Variants in NAA40 observed in about 807,000 individuals in gnomAD.
NAA40 encodes the protein N-alpha-acetyltransferase 40.
NAA40 carries 26 observed loss-of-function variants against 36.6 expected under a neutral mutation model. The ratio of observed to expected loss-of-function variants is 0.71; its 90% CI spans 0.52 to 0.98. NAA40 has a LOEUF of 0.98. NAA40 is among the 50% of genes least tolerant of loss of function. The pLI is 0.00. For missense variants in NAA40, 237 were observed against 306.5 expected (o/e 0.77, Z 1.69); for synonymous variants, 129 against 108.4 (o/e 1.19, Z -1.18).
Position 63,947,007 on chromosome 11 carries a change from A to C in NAA40, c.155+4A>C. On this transcript the variant is annotated splice_donor_region_variant and intron_variant, in intron 3 of 7. Transcript: ENST00000377793. ...TCAAGAAATATGATAGAAACGGGTG[A>C]GTCACATTGAGCATTACCAACTGCT... The C allele has an allele frequency of 6.2e-7, 1 of 1,613,726 alleles. No homozygotes were observed. Among genetic ancestry groups the C allele is most frequent in the Non-Finnish European group, 8.5e-7 (1 of 1,179,620 alleles).
chr11:63,953,911 C>A, intron 6 of NAA40, 61 bp from the exon 7 acceptor site: 1 of 1,450,040 alleles, frequency 6.9e-7, no homozygotes. Flanking sequence ...ATTACAGGTG[C>A]ATGCCACCAT....
At position 63,954,596 on chromosome 11, in the gene NAA40, G is replaced by GA; in HGVS notation, c.*117_*118insA. The GA allele has an allele frequency of 1.6e-6, 2 of 1,239,162 alleles. No individual in the cohort carries two copies. The highest frequency in any genetic ancestry group is 2.2e-6 in the Non-Finnish European group (2 of 926,136). The allele number at this position is 1,239,162 out of a possible 1,614,324, so 76.8% of individuals were successfully genotyped here. On this transcript the variant is annotated 3_prime_UTR_variant, in exon 8 of 8. Coordinates refer to ENST00000377793, the MANE Select transcript of NAA40 (RefSeq NM_024771.4). ...GGCCTCCCCAGCCCTGCACGTGCCA[G>GA]GCTGCGCCCTGAGAGCACAGAACCC...
rs1289299107 is a variant in NAA40, at chr11:63,955,880, G to A, written c.*1401G>A. 2 of 152,266 alleles carry A rather than the reference G, an allele frequency of 1.3e-5. No individual in the cohort carries two copies. Among genetic ancestry groups the A allele is most frequent in the East Asian group, 3.8e-4 (2 of 5,200 alleles). 9.4% of individuals were successfully genotyped at this position (152,266 alleles called of 1,614,324 possible). ...TGGATATCCCTGAGCTCTGCTGTGG[G>A]GAGTATCATAAAGGTTCTAGCCTTC... On this transcript the variant is annotated 3_prime_UTR_variant, in exon 8 of 8. Transcript: ENST00000377793.
At chr11:63,949,864 C>T (rs1942248636) in intron 3 of NAA40, among the ~76,000 whole-genome samples, 1 of 151,092 alleles carries the variant, frequency 6.6e-6, no homozygotes, top group Non-Finnish European at 1.5e-5. Flanking sequence ...CCTGCCTCAG[C>T]CTCCCGAGTA....
chr11:63,954,573 C>T lies in NAA40; in HGVS notation c.*94C>T. The T allele has an allele frequency of 7.2e-7, 1 of 1,391,166 alleles. No individual in the cohort carries two copies. The highest frequency in any genetic ancestry group is 2.6e-5 in the Admixed American group (1 of 38,564). 86.2% of individuals were successfully genotyped at this position (1,391,166 alleles called of 1,614,324 possible). The stretch of plus-strand genomic sequence containing the variant: ...TCACCGGGTGTCCTCAGAGCTGTGG[C>T]CTCCCCAGCCCTGCACGTGCCAGGC... On this transcript the variant is annotated 3_prime_UTR_variant, in exon 8 of 8. Coordinates refer to ENST00000377793, the MANE Select transcript of NAA40 (RefSeq NM_024771.4).
chr11:63,946,148 TGAA>T (rs1284972076), intron 2 of NAA40: 48 of 571,640 alleles, frequency 8.4e-5, no homozygotes, highest in Non-Finnish European at 1.4e-4. Context: ...TGGATTCCAG[TGAA>T]GTGGCTGCCT....
intron 2 of NAA40, 147 bp downstream of exon 2, chr11:63,946,082 C>G: frequency 1.4e-6 from 1 of 694,696 alleles, no homozygotes; most frequent in Non-Finnish European, 2.4e-6. Flanking sequence ...GAACTGAGCT[C>G]ATACCTGTGT....
intron 1 of NAA40, among the ~76,000 whole-genome samples, chr11:63,940,695 T>G (rs1942095242): frequency 6.8e-6 from 1 of 147,372 alleles, no homozygotes; most frequent in Non-Finnish European, 1.5e-5. Context: ...GTTAACCTAG[T>G]TTTTTTTTTT....
At chr11:63,940,129 C>T (rs1167597389) in intron 1 of NAA40, among the ~76,000 whole-genome samples, 1 of 149,670 alleles carries the variant, frequency 6.7e-6, no homozygotes, top group Non-Finnish European at 1.5e-5. Context: ...CGGCTCACTG[C>T]ATCCTCCTTC....
At chr11:63,945,768 A>G (rs533719380) in intron 1 of NAA40, 72 bp from the exon 2 acceptor site, 51 of 1,379,924 alleles carry the variant, frequency 3.7e-5, no homozygotes, top group Admixed American at 1.0e-4. Context: ...GGGCCCTTCG[A>G]TTCCTTAAAG....
chr11:63,953,876 C>A, intron 6 of NAA40, 96 bp from the exon 7 acceptor site: 2 of 1,024,034 alleles, frequency 2.0e-6, no homozygotes, highest in Non-Finnish European at 3.0e-6. Context: ...ATGATCCTCC[C>A]ACCTTTGCCC....
In NAA40 at chr11:63,952,422, G is replaced by A; in HGVS notation, c.267G>A (p.Glu89=). 2 of 1,614,250 alleles carry A rather than the reference G, an allele frequency of 1.2e-6. No individual in the cohort carries two copies. Among genetic ancestry groups the A allele is most frequent in the African/African-American group, 1.3e-5 (1 of 75,070 alleles). Residue 89 remains glutamate (E), a synonymous_variant, in exon 5 of 8, where the codon GAG becomes GAA. Transcript: ENST00000377793. Reference sequence around the variant, plus strand: ...AATTCCCCAGGTATGAGCAGAGCGAGTGGGGCTGGAAGGACCGAGAGAAAC... The same window carrying A: ...AATTCCCCAGGTATGAGCAGAGCGAATGGGGCTGGAAGGACCGAGAGAAAC... ...TNMQTMYEQS[E]WGWKDREKRE...
In NAA40 at chr11:63,954,043, C is replaced by T. The variant is rs755195628; in HGVS notation, c.566C>T (p.Ala189Val). The change falls in exon 7 of 8, where the codon GCG becomes GTG. Residue 189 changes from alanine (A) to valine (V), a missense_variant. Coordinates refer to ENST00000377793, the MANE Select transcript of NAA40 (RefSeq NM_024771.4). ...NHGAYQFFRE[A>V]LQFEIDDSSP... The stretch of plus-strand genomic sequence containing the variant: ...GGTGCCTACCAGTTCTTCAGAGAAG[C>T]GTTGCAGTAAGGAGCTGGGTGTGGG... 4.0e-5 allele frequency: 64 copies of T among 1,613,958 alleles called. No homozygotes were observed. The highest frequency in any genetic ancestry group is 1.2e-4 in the South Asian group (11 of 91,076).
At chr11:63,939,418 C>A in intron 1 of NAA40, 1 of 1,149,698 alleles carries the variant, frequency 8.7e-7, no homozygotes, top group Non-Finnish European at 1.1e-6. Flanking sequence ...GTTAGCTTCC[C>A]GCTCCCCCAG....
chr11:63,955,401 T>G lies in NAA40; in HGVS notation c.*922T>G, dbSNP rs1942347171. The G allele has an allele frequency of 6.5e-6, 1 of 152,676 alleles. No homozygotes were observed. The highest frequency in any genetic ancestry group is 2.4e-5 in the African/African-American group (1 of 41,448). The allele number at this position is 152,676 out of a possible 1,614,324, so 9.5% of individuals were successfully genotyped here. A position where few individuals can be genotyped will look rare whatever the true frequency, so the allele number is the denominator to read the frequency against. ...GGGGAGAATAACATCAGGGAGCCCC[T>G]CATCTTCCCCAGAAGGACTTCTCGT... On this transcript the variant is annotated 3_prime_UTR_variant, in exon 8 of 8. Transcript: ENST00000377793.
At position 63,957,208 on chromosome 11, in the gene NAA40, A is replaced by AT. The variant is rs1221558342; in HGVS notation, c.*2730dup. 219 of 54,818 alleles carry AT rather than the reference A, an allele frequency of 4.0e-3. No individual in the cohort carries two copies. Among genetic ancestry groups the AT allele is most frequent in the African/African-American group, 0.01 (191 of 18,422 alleles). The allele number at this position is 54,818 out of a possible 1,614,324, so 3.4% of individuals were successfully genotyped here. On this transcript the variant is annotated 3_prime_UTR_variant, in exon 8 of 8. Transcript: ENST00000377793. ...AACTCCTTGATATATATATATATAT[A>AT]TATATTTTTTTTTTTCTTTAGCAGC...
intron 3 of NAA40, among the ~76,000 whole-genome samples, chr11:63,951,286 A>G (rs1348323665): frequency 6.6e-6 from 1 of 152,214 alleles, no homozygotes; most frequent in African/African-American, 2.4e-5. Context: ...ATACCTTAAC[A>G]CTTAGGCATT....
At chr11:63,950,425 G>C (rs1264570788) in intron 3 of NAA40, among the ~76,000 whole-genome samples, 1 of 147,734 alleles carries the variant, frequency 6.8e-6, no homozygotes, top group African/African-American at 2.5e-5. Context: ...GGCCTGGAAA[G>C]TCTTTTGACA....
intron 2 of NAA40, chr11:63,946,473 G>T: frequency 9.4e-7 from 1 of 1,067,086 alleles, no homozygotes; most frequent in South Asian, 2.5e-5. Context: ...CCAAAGTGCT[G>T]GGATTACAGG....
Sources: allele counts gnomAD v4.1 joint callset (sites outside exome capture counted in the v4.1 genomes callset), GRCh38; gene constraint gnomAD v4.1.1; transcripts MANE v1.5; gene names NCBI Gene and HGNC (gene_info 2026-07-23, HGNC 2026-07-21).